MROH1: variants seen among roughly 807,000 people sequenced by gnomAD.
The protein encoded by MROH1 is maestro heat like repeat family member 1.
In MROH1, 117 loss-of-function variants were observed where a neutral mutation model predicts 116.5. The ratio of observed to expected loss-of-function variants is 1.00; its 90% CI spans 0.86 to 1.17. The LOEUF (loss-of-function observed/expected upper bound fraction) is 1.17. MROH1 is among the 50% of genes most tolerant of loss of function. The pLI is 0.00. For synonymous variants in MROH1, 921 were observed against 583.9 expected (o/e 1.58, Z -8.32); for missense variants, 1,873 against 1,338.5 (o/e 1.40, Z -6.23).
chr8:144,247,643 C>A lies in MROH1; in HGVS notation c.3084C>A (p.Pro1028=). ...AGGACGGCCTCGTGCACCCTGACCCCGCCATTCTCTTCCACACCTGCCACA... is the reference window on the plus strand; with the variant it reads ...AGGACGGCCTCGTGCACCCTGACCCAGCCATTCTCTTCCACACCTGCCACA... ...SLKDGLVHPD[P]AILFHTCHSV... is the part of the protein sequence containing the mutation. Residue 1028 remains proline, a synonymous_variant, in exon 31 of 44, where the codon CCC becomes CCA. Coordinates refer to ENST00000326134, the MANE Select transcript of MROH1 (RefSeq NM_032450.3). The A allele has an allele frequency of 1.3e-6, 1 of 769,496 alleles. No homozygotes were observed. The highest frequency in any genetic ancestry group is 2.4e-5 in the East Asian group (1 of 41,070). The allele number at this position is 769,496 out of a possible 1,614,324, so 47.7% of individuals were successfully genotyped here. A position where few individuals can be genotyped will look rare whatever the true frequency, so the allele number is the denominator to read the frequency against.
At chr8:144,186,910 C>T (rs542585650) in intron 7 of MROH1, among the ~76,000 whole-genome samples, 3 of 151,282 alleles carry the variant, frequency 2.0e-5, no homozygotes, top group Admixed American at 6.6e-5. Flanking sequence ...CTGGGCAACA[C>T]GGTGAAACCC....
intron 14 of MROH1, among the ~76,000 whole-genome samples, chr8:144,237,027 TCCCGAGTAGCTGGGACTACAGG>T (rs1233797734): frequency 7.0e-6 from 1 of 143,666 alleles, no homozygotes; most frequent in Non-Finnish European, 1.5e-5. Context: ...TGCCTCAGCC[TCCCGAGTAGCTGGGACTACAGG>T]CGCCCGCCAC....
Position 144,247,450 on chromosome 8 carries a change from A to G in MROH1, c.3007+14A>G, listed in dbSNP as rs1309348803. Reference sequence around the variant, plus strand: ...TCGGCTATGAGGGTGAGCCCTCGTCAGGAGTGTGGGGGCCAGTGGTCGTGC... The same window carrying G: ...TCGGCTATGAGGGTGAGCCCTCGTCGGGAGTGTGGGGGCCAGTGGTCGTGC... On this transcript the variant is annotated intron_variant, in intron 30 of 43. Coordinates refer to ENST00000326134, the MANE Select transcript of MROH1 (RefSeq NM_032450.3). 3 of 769,610 alleles carry G rather than the reference A, an allele frequency of 3.9e-6. No homozygotes were observed. Among genetic ancestry groups the G allele is most frequent in the Non-Finnish European group, 2.4e-6 (1 of 412,920 alleles). The allele number at this position is 769,610 out of a possible 1,614,324, so 47.7% of individuals were successfully genotyped here.
chr8:144,212,961 C>T (rs950206046), intron 12 of MROH1: 8 of 759,994 alleles, frequency 1.1e-5, no homozygotes, highest in Non-Finnish European at 2.0e-5. Flanking sequence ...TGGACTATCC[C>T]ATAATTACCA....
At position 144,238,795 on chromosome 8, in the gene MROH1, GA is replaced by G; in HGVS notation, c.1379del (p.Asp460AlafsTer21). ...CCCCGGCAGCAAGGACCCCAAGGCC[GA>G]CAGCGTGCGGGCCATCAGCGTGCGC... is the stretch of plus-strand genomic sequence containing the variant. ...PGPGSKDPKA[D>X]SVRAISVRTL... On this transcript the variant is annotated frameshift_variant, in exon 15 of 44. Transcript: ENST00000326134. LOFTEE classifies it high-confidence loss of function. 1.3e-6 allele frequency: 1 copy of G among 774,616 alleles called. No homozygotes were observed. The highest frequency in any genetic ancestry group is 2.4e-6 in the Non-Finnish European group (1 of 417,704). The allele number at this position is 774,616 out of a possible 1,614,324, so 48.0% of individuals were successfully genotyped here.
chr8:144,223,040 T>TCTGCTGG (rs1837120462), intron 13 of MROH1, 68 bp from the exon 14 acceptor site: 2 of 1,598,170 alleles, frequency 1.3e-6, no homozygotes, highest in East Asian at 4.5e-5. Context: ...GAGGTTCCTC[T>TCTGCTGG]CTGCTGGCTG....
chr8:144,196,862 C>T (rs554044602), intron 10 of MROH1, among the ~76,000 whole-genome samples: 2,439 of 7,948 alleles, frequency 0.31, 58 homozygotes, highest in East Asian at 0.43. Flanking sequence ...TTTGGGAGAC[C>T]GAGGCGGTGG....
Position 144,154,425 on chromosome 8 carries a change from A to G in MROH1, c.-177+6349A>G, listed in dbSNP as rs1040837563. Reference sequence around the variant, plus strand: ...TCCAGCACCACTACTGGCACTTTGTATGGGTCCCATGGTGTCATTCAAGGC... The same window carrying G: ...TCCAGCACCACTACTGGCACTTTGTGTGGGTCCCATGGTGTCATTCAAGGC... On this transcript the variant is annotated intron_variant, in intron 1 of 43. Coordinates refer to ENST00000326134, the MANE Select transcript of MROH1 (RefSeq NM_032450.3). 3.7e-4 allele frequency among the ~76,000 whole-genome samples: 57 copies of G among 152,160 alleles called. 2 individuals carry two copies. Among genetic ancestry groups the G allele is most frequent in the South Asian group, 4.1e-4 (2 of 4,826 alleles).
chr8:144,151,728 G>A (rs1816843538), intron 1 of MROH1, among the ~76,000 whole-genome samples: 1 of 152,152 alleles, frequency 6.6e-6, no homozygotes, highest in South Asian at 2.1e-4. Flanking sequence ...TGGAACACAC[G>A]CCCACTGGGG....
At position 144,239,194 on chromosome 8, in the gene MROH1, G is replaced by C; in HGVS notation, c.1591+15G>C. On this transcript the variant is annotated intron_variant, in intron 16 of 43. Coordinates refer to ENST00000326134, the MANE Select transcript of MROH1 (RefSeq NM_032450.3). ...CGACGCCCATGGTGCGTGCCGCGCC[G>C]TACCCCACCTCCCCACTCCTGCCCC... The C allele has an allele frequency of 1.3e-6, 1 of 753,936 alleles. No homozygotes were observed. Among genetic ancestry groups the C allele is most frequent in the Non-Finnish European group, 2.4e-6 (1 of 411,414 alleles). The allele number at this position is 753,936 out of a possible 1,614,324, so 46.7% of individuals were successfully genotyped here.
At chr8:144,232,835 TTTA>T (rs1346785142) in intron 14 of MROH1, among the ~76,000 whole-genome samples, 3 of 140,158 alleles carry the variant, frequency 2.1e-5, no homozygotes, top group Non-Finnish European at 4.7e-5. Context: ...TATTTATTTA[TTTA>T]TTTTATGAGA....
chr8:144,251,498 C>T (rs1452455702), intron 33 of MROH1: 1 of 152,256 alleles, frequency 6.6e-6, no homozygotes, highest in Non-Finnish European at 1.5e-5. Context: ...ATCCTGCAGT[C>T]TGTTGCTTTT....
intron 14 of MROH1, among the ~76,000 whole-genome samples, chr8:144,230,398 C>T (rs1838625256): frequency 6.6e-6 from 1 of 152,004 alleles, no homozygotes; most frequent in Non-Finnish European, 1.5e-5. Flanking sequence ...CCTTCAAGAG[C>T]TTTTCCTTTG....
intron 1 of MROH1, among the ~76,000 whole-genome samples, chr8:144,154,966 C>T (rs1289964927): frequency 5.3e-5 from 8 of 152,292 alleles, no homozygotes; most frequent in South Asian, 4.1e-4. Context: ...TGCAGGCACC[C>T]GCCACCATGC....
intron 12 of MROH1, among the ~76,000 whole-genome samples, chr8:144,218,839 T>C: frequency 1.0e-4 from 2 of 19,314 alleles, no homozygotes; most frequent in Non-Finnish European, 9.1e-5. Context: ...CCTCCTCCCT[T>C]CCCCTCCCCT....
At chr8:144,203,904 T>G (rs1360812770) in intron 12 of MROH1, among the ~76,000 whole-genome samples, 1 of 152,196 alleles carries the variant, frequency 6.6e-6, no homozygotes, top group African/African-American at 2.4e-5. Context: ...CTTTGTTAAT[T>G]CATCAATCAC....
In MROH1 at chr8:144,200,506, C is replaced by A; in HGVS notation, c.1106C>A (p.Thr369Asn). The A allele has an allele frequency of 6.4e-7, 1 of 1,551,644 alleles. No homozygotes were observed. Among genetic ancestry groups the A allele is most frequent in the Non-Finnish European group, 8.7e-7 (1 of 1,147,498 alleles). Residue 369 changes from threonine to asparagine, a missense_variant, in exon 12 of 44, where the codon ACC becomes AAC. Coordinates refer to ENST00000326134, the MANE Select transcript of MROH1 (RefSeq NM_032450.3). The part of the protein sequence containing the change: ...DTSNERTRVG[T>N]LQVVRHVINS... ...AGCAATGAGAGGACCCGCGTGGGCA[C>A]CCTGCAGGTGGTCAGACATGTCATC...
intron 4 of MROH1, among the ~76,000 whole-genome samples, chr8:144,178,537 G>A (rs548184521): frequency 1.3e-5 from 2 of 152,206 alleles, no homozygotes; most frequent in African/African-American, 4.8e-5. Context: ...CCTAAGTGTT[G>A]AGATTACAGG....
chr8:144,164,093 CTTTTTTTTT>C (rs776748346), intron 3 of MROH1, among the ~76,000 whole-genome samples: 1 of 135,250 alleles, frequency 7.4e-6, no homozygotes, highest in Non-Finnish European at 1.6e-5. Context: ...GTTTGTTTTA[CTTTTTTTTT>C]TTTTTTTTTA....
Sources: allele counts gnomAD v4.1 joint callset (sites outside exome capture counted in the v4.1 genomes callset), GRCh38; gene constraint gnomAD v4.1.1; transcripts MANE v1.5; gene names NCBI Gene and HGNC (gene_info 2026-07-23, HGNC 2026-07-21).